The following LHFPL3 variants were observed in gnomAD, a reference collection of about 807,000 sequenced individuals.
LHFPL3 encodes the protein LHFPL tetraspan subfamily member 3.
LHFPL3 carries 5 observed loss-of-function variants against 19.3 expected under a neutral mutation model. The ratio of observed to expected loss-of-function variants is 0.26; its 90% confidence interval spans 0.14 to 0.54. LHFPL3 has a LOEUF of 0.54. Ranked by LOEUF, LHFPL3 falls within the 20% of genes least tolerant of loss-of-function variation. The pLI is 0.94. For missense variants in LHFPL3, 249 were observed against 307.4 expected (o/e 0.81, Z 1.42); for synonymous variants, 133 against 126.2 (o/e 1.05, Z -0.36).
intron 2 of LHFPL3, among the ~76,000 whole-genome samples, chr7:104,739,974 AC>A (rs1793902133): frequency 1.3e-5 from 2 of 152,308 alleles, no homozygotes; most frequent in South Asian, 4.1e-4. Flanking sequence ...TATAATTTCC[AC>A]GTGTTGGGAA....
intron 2 of LHFPL3, among the ~76,000 whole-genome samples, chr7:104,767,422 C>T (rs36083317): frequency 0.014 from 2,095 of 152,286 alleles, 31 homozygotes; most frequent in East Asian, 0.054. Flanking sequence ...GAGGAATCAC[C>T]CCACCTCCGA....
chr7:104,483,343 C>CT, intron 1 of LHFPL3, among the ~76,000 whole-genome samples: 1 of 152,202 alleles, frequency 6.6e-6, no homozygotes, highest in Non-Finnish European at 1.5e-5. Context: ...GTGTAAAGCA[C>CT]TATGGCTGCT....
At chr7:104,401,241 C>A (rs568450261) in intron 1 of LHFPL3, among the ~76,000 whole-genome samples, 1 of 152,234 alleles carries the variant, frequency 6.6e-6, no homozygotes, top group African/African-American at 2.4e-5. Flanking sequence ...TAATATTTAT[C>A]CCAAATTAGT....
chr7:104,390,491 T>C (rs949385682), intron 1 of LHFPL3, among the ~76,000 whole-genome samples: 2 of 152,198 alleles, frequency 1.3e-5, no homozygotes, highest in Non-Finnish European at 2.9e-5. Context: ...TCCAGCTCCA[T>C]GTCCCTACAA....
intron 2 of LHFPL3, chr7:104,845,530 C>G: frequency 7.2e-7 from 1 of 1,395,102 alleles, no homozygotes; most frequent in Non-Finnish European, 9.6e-7. Flanking sequence ...CCGCTTTCAG[C>G]GCTTAGCACT....
chr7:104,573,430 T>C (rs1270396986), intron 1 of LHFPL3, among the ~76,000 whole-genome samples: 1 of 147,628 alleles, frequency 6.8e-6, no homozygotes. Context: ...AAAAAGAAAG[T>C]AAGAAAGAAA....
At chr7:104,754,482 T>C (rs1794244601) in intron 2 of LHFPL3, among the ~76,000 whole-genome samples, 1 of 152,242 alleles carries the variant, frequency 6.6e-6, no homozygotes, top group Admixed American at 6.5e-5. Context: ...TTAGCTTCAC[T>C]GCTTACTAGC....
intron 1 of LHFPL3, among the ~76,000 whole-genome samples, chr7:104,464,618 T>C (rs1330225472): frequency 6.6e-6 from 1 of 152,210 alleles, no homozygotes; most frequent in Non-Finnish European, 1.5e-5. Flanking sequence ...TAATAGCATA[T>C]GGAAGCTGCG....
chr7:104,522,828 G>A (rs1488257253), intron 1 of LHFPL3, among the ~76,000 whole-genome samples: 1 of 152,110 alleles, frequency 6.6e-6, no homozygotes, highest in Non-Finnish European at 1.5e-5. Context: ...TTTGAAAAAA[G>A]AAGGAGAGAT....
At chr7:104,879,023 G>A (rs372333624) in intron 2 of LHFPL3, among the ~76,000 whole-genome samples, 2 of 152,146 alleles carry the variant, frequency 1.3e-5, no homozygotes, top group African/African-American at 2.4e-5. Flanking sequence ...TCCATTCTAC[G>A]AAGGCTGAGA....
chr7:104,467,117 G>T (rs1045019521), intron 1 of LHFPL3, among the ~76,000 whole-genome samples: 17 of 151,986 alleles, frequency 1.1e-4, no homozygotes, highest in African/African-American at 3.9e-4. Context: ...AAGTTCAATA[G>T]CACCTACAGT....
chr7:104,732,024 G>A (rs965156451), intron 1 of LHFPL3, among the ~76,000 whole-genome samples: 78 of 152,204 alleles, frequency 5.1e-4, no homozygotes, highest in African/African-American at 1.7e-3. Context: ...GATGGATTAC[G>A]TTTATTGATT....
intron 1 of LHFPL3, among the ~76,000 whole-genome samples, chr7:104,609,583 CAGG>C (rs1032505936): frequency 2.0e-5 from 3 of 152,074 alleles, no homozygotes; most frequent in Admixed American, 6.6e-5. Context: ...TATAAAAACC[CAGG>C]AGAATTGTAA....
chr7:104,453,656 G>C (rs964779294), intron 1 of LHFPL3, among the ~76,000 whole-genome samples: 4 of 152,134 alleles, frequency 2.6e-5, no homozygotes, highest in Admixed American at 2.0e-4. Context: ...CATGGTGCAT[G>C]TAATCCCCAG....
intron 1 of LHFPL3, among the ~76,000 whole-genome samples, chr7:104,451,486 C>T (rs1007768446): frequency 2.6e-5 from 4 of 152,130 alleles, no homozygotes; most frequent in African/African-American, 9.7e-5. Flanking sequence ...TCTGCAATAG[C>T]GTTTTTTGGT....
chr7:104,506,269 G>A lies in LHFPL3; in HGVS notation c.445+177045G>A, dbSNP rs117776345. 8.5e-3 allele frequency among the ~76,000 whole-genome samples: 1,163 copies of A among 137,608 alleles called. 26 individuals carry two copies. The East Asian group carries it at 0.11, about 13-fold the overall frequency. The allele number at this position is 137,608 out of a possible 152,430, so 90.3% of individuals were successfully genotyped here. ...GCTGCCCCCACCCAACCCCACCGCC[G>A]CAATACCTCAAAGTATACTAAGCAC... On this transcript the variant is annotated intron_variant, in intron 1 of 2. Transcript: ENST00000424859.
At chr7:104,392,047 C>T (rs545198474) in intron 1 of LHFPL3, among the ~76,000 whole-genome samples, 2 of 152,288 alleles carry the variant, frequency 1.3e-5, no homozygotes, top group East Asian at 3.9e-4. Flanking sequence ...TATCCTGAGG[C>T]TTTGCTGAAG....
intron 1 of LHFPL3, among the ~76,000 whole-genome samples, chr7:104,508,389 C>T (rs1244445406): frequency 4.2e-5 from 6 of 143,414 alleles, no homozygotes; most frequent in Admixed American, 2.2e-4. Flanking sequence ...TATTCTCACT[C>T]ATAGGTGGGA....
chr7:104,717,954 T>C (rs1377130860), intron 1 of LHFPL3, among the ~76,000 whole-genome samples: 1 of 152,132 alleles, frequency 6.6e-6, no homozygotes. Flanking sequence ...AGTATATACA[T>C]ACAATGAAAT....
Sources: allele counts gnomAD v4.1 joint callset (sites outside exome capture counted in the v4.1 genomes callset), GRCh38; gene constraint gnomAD v4.1.1; transcripts MANE v1.5; gene names NCBI Gene and HGNC (gene_info 2026-07-23, HGNC 2026-07-21).